CAST: variants seen among roughly 807,000 people sequenced by gnomAD.
CAST encodes the protein calpastatin.
A neutral mutation model predicts 119.6 loss-of-function variants in CAST; 76 were observed. That is an observed-to-expected ratio of 0.64 (90% CI 0.53 to 0.77). CAST has a LOEUF of 0.77. Among genes scored for constraint, CAST ranks in the 30% least tolerant of loss-of-function variants. The probability of loss-of-function intolerance (pLI) is 0.00; values close to 1 mark genes in which losing one functional copy is unlikely to be tolerated. For missense variants in CAST, 953 were observed against 946.5 expected (o/e 1.01, Z -0.09); for synonymous variants, 319 against 331.6 (o/e 0.96, Z 0.41).
At chr5:96,716,147 C>T (rs181038255) in intron 3 of CAST, among the ~76,000 whole-genome samples, 3 of 152,240 alleles carry the variant, frequency 2.0e-5, no homozygotes, top group East Asian at 3.9e-4. Flanking sequence ...AAAATGGAAG[C>T]CTGTATTCAA....
the CAST span, among the ~76,000 whole-genome samples, chr5:96,266,639 A>G: frequency 6.6e-6 from 1 of 152,216 alleles, no homozygotes; most frequent in Admixed American, 6.5e-5. Context: ...AACCTAAAGA[A>G]AAAAAGAGAA....
chr5:96,483,877 G>C, the CAST span, among the ~76,000 whole-genome samples: 2 of 152,162 alleles, frequency 1.3e-5, no homozygotes, highest in Admixed American at 6.5e-5. Context: ...GTGAAGTGCT[G>C]AGTCAAGACT....
At chr5:96,455,618 A>G in the CAST span, among the ~76,000 whole-genome samples, 1 of 152,130 alleles carries the variant, frequency 6.6e-6, no homozygotes, top group Non-Finnish European at 1.5e-5. Flanking sequence ...TTCTCCTCTC[A>G]TGAGCATGTC....
intron 1 of CAST, among the ~76,000 whole-genome samples, chr5:96,665,627 A>T (rs1163850663): frequency 1.3e-5 from 2 of 152,104 alleles, no homozygotes; most frequent in Non-Finnish European, 2.9e-5. Flanking sequence ...ATACATACAA[A>T]CATACACAAA....
At chr5:96,629,183 G>A (rs549384447) in intron 1 of CAST, among the ~76,000 whole-genome samples, 34 of 152,310 alleles carry the variant, frequency 2.2e-4, no homozygotes, top group African/African-American at 7.9e-4. Context: ...CCTGGGAGTG[G>A]GTTGATATAA....
the CAST span, among the ~76,000 whole-genome samples, chr5:96,375,431 TGTG>T: frequency 1.1e-5 from 1 of 91,512 alleles, no homozygotes; most frequent in East Asian, 3.1e-4. Context: ...TGTGTGTGTG[TGTG>T]TGTTTTTTTT....
the CAST span, among the ~76,000 whole-genome samples, chr5:96,299,811 A>G: frequency 9.8e-5 from 15 of 152,316 alleles, no homozygotes; most frequent in African/African-American, 3.6e-4. Context: ...AGTTGTATAT[A>G]TCTTTGAGGT....
the CAST span, among the ~76,000 whole-genome samples, chr5:96,298,337 C>T: frequency 2.0e-5 from 3 of 152,172 alleles, no homozygotes; most frequent in East Asian, 1.9e-4. Flanking sequence ...TACAGACCAC[C>T]CTTGCTAGAC....
At chr5:96,602,030 GCT>G (rs1257439797) in intron 1 of CAST, among the ~76,000 whole-genome samples, 1 of 152,190 alleles carries the variant, frequency 6.6e-6, no homozygotes, top group Non-Finnish European at 1.5e-5. Context: ...GTGGCAGGCA[GCT>G]CTCTCTGTGA....
the CAST span, among the ~76,000 whole-genome samples, chr5:96,455,268 G>T: frequency 6.6e-6 from 1 of 152,112 alleles, no homozygotes; most frequent in Non-Finnish European, 1.5e-5. Flanking sequence ...TGTGAAGAAA[G>T]AAAAGTCAAA....
At chr5:96,073,828 C>T in the CAST span, among the ~76,000 whole-genome samples, 4 of 152,294 alleles carry the variant, frequency 2.6e-5, no homozygotes, top group African/African-American at 4.8e-5. Context: ...GGTTCTTTGC[C>T]TAGGGGTTGA....
chr5:96,037,174 T>C, the CAST span, among the ~76,000 whole-genome samples: 1 of 152,116 alleles, frequency 6.6e-6, no homozygotes, highest in Non-Finnish European at 1.5e-5. Flanking sequence ...TTCTTCCCTG[T>C]GGTAGAATGG....
the CAST span, among the ~76,000 whole-genome samples, chr5:96,354,226 T>C: frequency 6.6e-6 from 1 of 152,222 alleles, no homozygotes; most frequent in African/African-American, 2.4e-5. Context: ...CTCCTAGTGA[T>C]TCTTTTCCAC....
At chr5:96,726,496 A>G (rs1420379830) in intron 4 of CAST, among the ~76,000 whole-genome samples, 1 of 152,228 alleles carries the variant, frequency 6.6e-6, no homozygotes, top group Admixed American at 6.5e-5. Flanking sequence ...TACATAGGAA[A>G]AAATGATATT....
chr5:96,535,806 C>T (rs1478210823), intron 1 of CAST, among the ~76,000 whole-genome samples: 1 of 150,664 alleles, frequency 6.6e-6, no homozygotes, highest in Non-Finnish European at 1.5e-5. Flanking sequence ...ATCTCCTGAC[C>T]TCGTGATCCT....
chr5:96,523,577 G>A (rs113563459), upstream of CAST, among the ~76,000 whole-genome samples: 1,476 of 152,216 alleles, frequency 9.7e-3, 15 homozygotes, highest in South Asian at 0.03. Flanking sequence ...AGCTGGGATC[G>A]CTCATAACAA....
the CAST span, among the ~76,000 whole-genome samples, chr5:96,370,560 C>A: frequency 9.2e-5 from 14 of 152,246 alleles, no homozygotes; most frequent in African/African-American, 3.4e-4. Flanking sequence ...CCTGTATACA[C>A]AGAAAACTGA....
chr5:96,400,114 G>T, the CAST span: 16 of 1,614,024 alleles, frequency 9.9e-6, no homozygotes, highest in Admixed American at 1.7e-5. Context: ...TCCATCCAGG[G>T]TTATTGGCCA....
chr5:96,651,367 A>G (rs1422040772), intron 1 of CAST, among the ~76,000 whole-genome samples: 6 of 152,248 alleles, frequency 3.9e-5, no homozygotes, highest in Non-Finnish European at 7.3e-5. Flanking sequence ...ATGTGTGTGT[A>G]CTAATATCAG....
Sources: allele counts gnomAD v4.1 joint callset (sites outside exome capture counted in the v4.1 genomes callset), GRCh38; gene constraint gnomAD v4.1.1; transcripts MANE v1.5; gene names NCBI Gene and HGNC (gene_info 2026-07-23, HGNC 2026-07-21).